SOCS2: variants seen among roughly 807,000 people sequenced by gnomAD.
SOCS2 encodes suppressor of cytokine signaling 2.
A neutral mutation model predicts 18.6 loss-of-function variants in SOCS2; 10 were observed. That is an observed-to-expected ratio of 0.54 (90% CI 0.33 to 0.91). The LOEUF is 0.91. Ranked by LOEUF, SOCS2 falls within the 40% of genes least tolerant of loss-of-function variation. The probability of loss-of-function intolerance (pLI) is 0.02; values close to 1 mark genes in which losing one functional copy is unlikely to be tolerated. For synonymous variants in SOCS2, 104 were observed against 104.0 expected (o/e 1.00, Z 0.00); for missense variants, 231 against 247.2 (o/e 0.93, Z 0.44).
At chr12:93,624,275 T>C in the SOCS2 span, among the ~76,000 whole-genome samples, 3 of 152,146 alleles carry the variant, frequency 2.0e-5, no homozygotes, top group Admixed American at 6.5e-5. Flanking sequence ...TCCAGAACTA[T>C]GAAAAATACA....
chr12:93,625,711 G>A, the SOCS2 span, among the ~76,000 whole-genome samples: 1 of 139,396 alleles, frequency 7.2e-6, no homozygotes, highest in Admixed American at 7.9e-5. Context: ...TCACGCCACT[G>A]CACTCCAGCC....
At chr12:93,615,939 T>TC in the SOCS2 span, among the ~76,000 whole-genome samples, 1 of 152,294 alleles carries the variant, frequency 6.6e-6, no homozygotes, top group East Asian at 1.9e-4. Flanking sequence ...ACAGGATCCA[T>TC]CCCTCTTATT....
chr12:93,587,509 G>A (rs1324947941), downstream of SOCS2, among the ~76,000 whole-genome samples: 4 of 151,830 alleles, frequency 2.6e-5, no homozygotes, highest in Non-Finnish European at 5.9e-5. Context: ...GTGAAACCCC[G>A]TCTCTACTAA....
the SOCS2 span, among the ~76,000 whole-genome samples, chr12:93,591,425 G>A: frequency 4.6e-3 from 701 of 152,322 alleles, 4 homozygotes; most frequent in South Asian, 8.3e-3. Flanking sequence ...GTGTGCGTTC[G>A]TGTGTGGCTG....
At chr12:93,621,654 A>T in the SOCS2 span, among the ~76,000 whole-genome samples, 142 of 150,190 alleles carry the variant, frequency 9.5e-4, 2 homozygotes, top group South Asian at 1.5e-3. Context: ...TTAAAAAAAA[A>T]TTTTTTTTTT....
In SOCS2 at chr12:93,575,184, T is replaced by G. The variant is rs1348732976; in HGVS notation, c.*5T>G. On this transcript the variant is annotated 3_prime_UTR_variant, in exon 2 of 2. Transcript: ENST00000551556. ...GAATATAAATTCCAGGTATAAATGT[T>G]TCTCTTTTTTTAAACATGTCTCACA... is the stretch of plus-strand genomic sequence containing the variant. 6.6e-7 allele frequency: 1 copy of G among 1,524,562 alleles called. No individual in the cohort carries two copies. Among genetic ancestry groups the G allele is most frequent in the East Asian group, 2.3e-5 (1 of 44,238 alleles). 94.4% of individuals were successfully genotyped at this position (1,524,562 alleles called of 1,614,324 possible).
chr12:93,600,746 T>A, the SOCS2 span, among the ~76,000 whole-genome samples: 8 of 151,768 alleles, frequency 5.3e-5, no homozygotes, highest in Admixed American at 4.6e-4. Context: ...TAATGGAATC[T>A]TTTAAAATTT....
At chr12:93,573,160 C>T in intron 1 of SOCS2, 124 bp downstream of exon 1, 1 of 1,271,376 alleles carries the variant, frequency 7.9e-7, no homozygotes, top group Non-Finnish European at 1.1e-6. Context: ...TTCCAAGGGA[C>T]CGCGGAGAGC....
At chr12:93,581,919 C>T (rs575780488) in intron 1 of SOCS2, among the ~76,000 whole-genome samples, 1 of 152,328 alleles carries the variant, frequency 6.6e-6, no homozygotes, top group African/African-American at 2.4e-5. Context: ...GTATGACCCT[C>T]ATTTATTCCA....
chr12:93,615,336 G>T, the SOCS2 span, among the ~76,000 whole-genome samples: 1 of 152,202 alleles, frequency 6.6e-6, no homozygotes, highest in African/African-American at 2.4e-5. Context: ...ATGAATAGAT[G>T]CTTCAGATTC....
downstream of SOCS2, among the ~76,000 whole-genome samples, chr12:93,580,618 C>CAAAAAA (rs35305411): frequency 2.1e-3 from 150 of 72,286 alleles, no homozygotes; most frequent in East Asian, 4.7e-3. Flanking sequence ...GAGACTGTCT[C>CAAAAAA]AAAAAAAAAA....
chr12:93,573,188 G>A, intron 1 of SOCS2, 152 bp downstream of exon 1: 1 of 1,015,450 alleles, frequency 9.8e-7, no homozygotes, highest in Non-Finnish European at 1.4e-6. Context: ...CAGGGTCCTG[G>A]GTCCTTGGGA....
the SOCS2 span, among the ~76,000 whole-genome samples, chr12:93,599,046 A>C: frequency 6.6e-6 from 1 of 152,022 alleles, no homozygotes; most frequent in Non-Finnish European, 1.5e-5. Flanking sequence ...ATTTAAAATC[A>C]TATGTCATTG....
At position 93,576,416 on chromosome 12, in the gene SOCS2, A is replaced by G. The variant is rs1954463219; in HGVS notation, c.*1237A>G. ...GCATTGTCAAGTGGCCGGGTCTTTT[A>G]TAATTTGAATAGGCATAACACTGAT... On this transcript the variant is annotated 3_prime_UTR_variant, in exon 2 of 2. Transcript: ENST00000551556. 6.6e-6 allele frequency: 1 copy of G among 152,232 alleles called. No individual in the cohort carries two copies. Among genetic ancestry groups the G allele is most frequent in the Non-Finnish European group, 1.5e-5 (1 of 68,044 alleles). 9.4% of individuals were successfully genotyped at this position (152,232 alleles called of 1,614,324 possible).
chr12:93,605,308 C>T, the SOCS2 span, among the ~76,000 whole-genome samples: 3 of 152,066 alleles, frequency 2.0e-5, no homozygotes, highest in Non-Finnish European at 4.4e-5. Context: ...GAAATTACCC[C>T]AAAGTCTACT....
At chr12:93,599,171 C>CTTTTTT in the SOCS2 span, among the ~76,000 whole-genome samples, 3 of 122,302 alleles carry the variant, frequency 2.5e-5, no homozygotes, top group African/African-American at 6.3e-5. Flanking sequence ...TGCTGTTTGT[C>CTTTTTT]TTTTTTTTTT....
the SOCS2 span, among the ~76,000 whole-genome samples, chr12:93,590,592 C>T: frequency 6.6e-6 from 1 of 151,302 alleles, no homozygotes; most frequent in African/African-American, 2.4e-5. Flanking sequence ...GTCAGGAGAT[C>T]GAGACCATCC....
chr12:93,582,504 T>C lies in SOCS2; in HGVS notation c.117-519T>C, dbSNP rs150331439. Among the ~76,000 whole-genome samples the C allele has an allele frequency of 3.9e-3, 597 of 152,240 alleles. 6 individuals are homozygous for C. The highest frequency in any genetic ancestry group is 0.013 in the African/African-American group (543 of 41,544). On this transcript the variant is annotated intron_variant, in intron 1 of 1. Transcript: ENST00000549510. ...GAGGGAGGTAGTCCTTGTGAGAAGA[T>C]TGGAGAGAGAGTCAGAGGTTGACTC... is the stretch of plus-strand genomic sequence containing the variant.
chr12:93,603,102 A>T, the SOCS2 span, among the ~76,000 whole-genome samples: 1 of 152,208 alleles, frequency 6.6e-6, no homozygotes, highest in Non-Finnish European at 1.5e-5. Context: ...CCCCGAAGCT[A>T]TGAGAGTAAA....
Sources: gnomAD v4.1 joint callset for allele counts (sites outside exome capture counted in the v4.1 genomes callset) on GRCh38, gnomAD v4.1.1 for gene constraint, MANE v1.5 for transcripts, NCBI Gene and HGNC (gene_info 2026-07-23, HGNC 2026-07-21) for gene names.